The following MBTPS1 variants were observed in gnomAD, a reference collection of about 807,000 sequenced individuals.
MBTPS1 encodes membrane-bound transcription factor site-1 protease.
MBTPS1 carries 94 observed loss-of-function variants against 127.8 expected under a neutral mutation model. The ratio of observed to expected loss-of-function variants is 0.74; its 90% CI spans 0.62 to 0.87. The LOEUF (loss-of-function observed/expected upper bound fraction) is 0.87. MBTPS1 is among the 40% of genes least tolerant of loss of function. The pLI is 0.00. For missense variants in MBTPS1, 1,636 were observed against 1,353.2 expected (o/e 1.21, Z -3.28); for synonymous variants, 632 against 509.4 (o/e 1.24, Z -3.24).
chr16:84,069,506 A>C (rs2085739455), intron 14 of MBTPS1, among the ~76,000 whole-genome samples: 1 of 152,170 alleles, frequency 6.6e-6, no homozygotes, highest in East Asian at 1.9e-4. Flanking sequence ...GGAGCTGCTG[A>C]TGTGGTCCAG....
At chr16:84,107,893 TG>T (rs1294516360) in intron 1 of MBTPS1, among the ~76,000 whole-genome samples, 1 of 140,788 alleles carries the variant, frequency 7.1e-6, no homozygotes, top group Non-Finnish European at 1.5e-5. Context: ...TTTGTAGAGA[TG>T]GGGGTCTCAC....
rs2085641057 is a variant in MBTPS1 at position 84,063,379 on chromosome 16, A to C, written c.2498T>G (p.Ile833Ser). 1 of 1,614,174 alleles carries C rather than the reference A, an allele frequency of 6.2e-7. No individual in the cohort carries two copies. Among genetic ancestry groups the C allele is most frequent in the Non-Finnish European group, 8.5e-7 (1 of 1,180,000 alleles). Residue 833 changes from isoleucine to serine, a missense_variant, in exon 19 of 23, where the codon ATT becomes AGT. Ile to Ser is a moderately radical substitution (Grantham distance 142). Coordinates refer to ENST00000343411, the MANE Select transcript of MBTPS1 (RefSeq NM_003791.4). ...AATCCGGCCTCCACCCTCAGCTGGA[A>C]TCTGATAAAGTCCCAAAATGGGGAC... Reference protein sequence around the residue: ...ENVPILGLYQIPAEGGGRIVL... With the variant: ...ENVPILGLYQSPAEGGGRIVL...
At chr16:84,105,911 G>A (rs956982532) in intron 1 of MBTPS1, among the ~76,000 whole-genome samples, 3 of 152,116 alleles carry the variant, frequency 2.0e-5, no homozygotes, top group Middle Eastern at 3.2e-3. Context: ...CTGACCTCAC[G>A]GAGCTTACCT....
chr16:84,088,014 C>A (rs987661968), intron 8 of MBTPS1, among the ~76,000 whole-genome samples: 3 of 152,134 alleles, frequency 2.0e-5, no homozygotes, highest in Admixed American at 2.0e-4. Flanking sequence ...GAAGGACTAT[C>A]ATTACTCTGT....
At chr16:84,114,321 C>T (rs1195881350) in intron 1 of MBTPS1, among the ~76,000 whole-genome samples, 2 of 152,162 alleles carry the variant, frequency 1.3e-5, no homozygotes, top group Non-Finnish European at 2.9e-5. Flanking sequence ...TGGCACACTC[C>T]ATCCATCAGG....
chr16:84,066,433 G>C (rs1460061988), intron 17 of MBTPS1, 56 bp downstream of exon 17: 3 of 1,587,572 alleles, frequency 1.9e-6, no homozygotes, highest in Non-Finnish European at 2.6e-6. Context: ...GACTTCAGAG[G>C]TGTAGAGCTT....
At chr16:84,063,186 C>CT (rs1268477221) in intron 19 of MBTPS1, 119 bp downstream of exon 19, 2 of 1,061,910 alleles carry the variant, frequency 1.9e-6, no homozygotes, top group Non-Finnish European at 2.8e-6. Context: ...CCAGCTGAGC[C>CT]TGGCTCAAGT....
intron 1 of MBTPS1, among the ~76,000 whole-genome samples, chr16:84,105,593 G>C (rs1046789016): frequency 6.6e-6 from 1 of 152,152 alleles, no homozygotes; most frequent in African/African-American, 2.4e-5. Flanking sequence ...ACCACAGGAA[G>C]ACACAGATGT....
chr16:84,080,057 A>G (rs533715838), intron 11 of MBTPS1, among the ~76,000 whole-genome samples: 3 of 152,376 alleles, frequency 2.0e-5, no homozygotes, highest in African/African-American at 7.2e-5. Context: ...AGGAAGACAG[A>G]AAGTGCTCAG....
intron 19 of MBTPS1, 31 bp from the exon 20 acceptor site, chr16:84,060,844 C>A (rs1351466964): frequency 1.3e-6 from 2 of 1,537,580 alleles, no homozygotes; most frequent in Non-Finnish European, 1.8e-6. Context: ...TTTAGGAATT[C>A]CTTTTTTTTT....
At chr16:84,062,145 G>A (rs975237060) in intron 19 of MBTPS1, among the ~76,000 whole-genome samples, 4 of 152,090 alleles carry the variant, frequency 2.6e-5, no homozygotes, top group Non-Finnish European at 5.9e-5. Context: ...TTTTAAAACA[G>A]TGTCTTGCTC....
Position 84,081,742 on chromosome 16 carries a change from C to A in MBTPS1, c.1448+5G>T. On this transcript the variant is annotated splice_donor_5th_base_variant and intron_variant, in intron 11 of 22. Transcript: ENST00000343411. ...AAAGACCCATCGGCAGGGCGGTGCA[C>A]TGACCTTGCCTGTGGCTTGTAGCTG... 4 of 1,374,870 alleles carry A rather than the reference C, an allele frequency of 2.9e-6. No homozygotes were observed. The highest frequency in any genetic ancestry group is 3.8e-6 in the Non-Finnish European group (4 of 1,052,342). The allele number at this position is 1,374,870 out of a possible 1,614,324, so 85.2% of individuals were successfully genotyped here. A position where few individuals can be genotyped will look rare whatever the true frequency, so the allele number is the denominator to read the frequency against.
In MBTPS1 at chr16:84,055,864, G is replaced by A. The variant is rs202023544; in HGVS notation, c.2962+141C>T. The A allele has an allele frequency of 1.2e-4, 100 of 854,516 alleles. No individual in the cohort carries two copies. In the East Asian group the frequency reaches 2.4e-3, roughly 20 times the overall value. The allele number at this position is 854,516 out of a possible 1,614,324, so 52.9% of individuals were successfully genotyped here. A position where few individuals can be genotyped will look rare whatever the true frequency, so the allele number is the denominator to read the frequency against. Reference sequence around the variant, plus strand: ...GCTCATGCTGGTTTGTGCCACAAAAGAAGCCAAGAGCCAAGGCCACCACAG... The same window carrying A: ...GCTCATGCTGGTTTGTGCCACAAAAAAAGCCAAGAGCCAAGGCCACCACAG... On this transcript the variant is annotated intron_variant, in intron 22 of 22. Coordinates refer to ENST00000343411, the MANE Select transcript of MBTPS1 (RefSeq NM_003791.4).
intron 14 of MBTPS1, 142 bp downstream of exon 14, chr16:84,069,724 C>T: frequency 1.3e-6 from 1 of 777,074 alleles, no homozygotes; most frequent in Non-Finnish European, 2.1e-6. Context: ...AAGTGCATGG[C>T]AAAAGCCTGA....
chr16:84,094,593 G>C (rs1037585649), intron 4 of MBTPS1, among the ~76,000 whole-genome samples: 3 of 152,176 alleles, frequency 2.0e-5, no homozygotes, highest in African/African-American at 7.2e-5. Context: ...TGGCAAAAGG[G>C]CTGTGTACAT....
chr16:84,101,976 C>A lies in MBTPS1; in HGVS notation c.-193G>T. The A allele has an allele frequency of 1.8e-6, 1 of 550,306 alleles. No homozygotes were observed. Among genetic ancestry groups the A allele is most frequent in the South Asian group, 2.4e-5 (1 of 41,232 alleles). The allele number at this position is 550,306 out of a possible 1,614,324, so 34.1% of individuals were successfully genotyped here. ...TCAGCCTGAAGAGAGGCTTTCATTTCTTTCTCCGCTTCTTCTCCATCTTGG... is the reference window on the plus strand; with the variant it reads ...TCAGCCTGAAGAGAGGCTTTCATTTATTTCTCCGCTTCTTCTCCATCTTGG... On this transcript the variant is annotated 5_prime_UTR_variant, in exon 2 of 23. Coordinates refer to ENST00000343411, the MANE Select transcript of MBTPS1 (RefSeq NM_003791.4).
Position 84,056,061 on chromosome 16 carries a change from C to T in MBTPS1, c.2906G>A (p.Arg969His), listed in dbSNP as rs779798413. The T allele has an allele frequency of 5.6e-6, 9 of 1,614,030 alleles. No individual in the cohort carries two copies. Among genetic ancestry groups the T allele is most frequent in the Non-Finnish European group, 6.8e-6 (8 of 1,179,964 alleles). ...AGGGGACAAGGGCCTCACTTGAGGGCGATTCGATCGAAAGTTGGGTAACAC... is the reference window on the plus strand; with the variant it reads ...AGGGGACAAGGGCCTCACTTGAGGGTGATTCGATCGAAAGTTGGGTAACAC... The part of the protein sequence containing the change: ...KVVLPNFRSN[R>H]PQVRPLSPGE... The change falls in exon 22 of 23, where the codon CGC (arginine) becomes CAC (histidine). Residue 969 changes from arginine to histidine, a missense_variant. Physicochemically the swap from Arg to His is conservative, Grantham distance 29. Transcript: ENST00000343411.
chr16:84,068,470 C>T lies in MBTPS1; in HGVS notation c.1956-16G>A. 2 of 1,513,656 alleles carry T rather than the reference C, an allele frequency of 1.3e-6. No homozygotes were observed. The highest frequency in any genetic ancestry group is 9.2e-7 in the Non-Finnish European group (1 of 1,088,478). 93.8% of individuals were successfully genotyped at this position (1,513,656 alleles called of 1,614,324 possible). A position where few individuals can be genotyped will look rare whatever the true frequency, so the allele number is the denominator to read the frequency against. ...ATCACCATTCCTGAAAAACAATAGG[C>T]CACAGCATTAAAATGATCGATCTTT... On this transcript the variant is annotated splice_polypyrimidine_tract_variant and intron_variant, in intron 14 of 22. Transcript: ENST00000343411.
intron 19 of MBTPS1, among the ~76,000 whole-genome samples, chr16:84,062,758 A>C (rs970513311): frequency 2.6e-5 from 4 of 152,164 alleles, no homozygotes; most frequent in Non-Finnish European, 5.9e-5. Context: ...GACTGACATA[A>C]AGACGCGGAG....
Sources: allele counts gnomAD v4.1 joint callset (sites outside exome capture counted in the v4.1 genomes callset), GRCh38; gene constraint gnomAD v4.1.1; transcripts MANE v1.5; gene names NCBI Gene and HGNC (gene_info 2026-07-23, HGNC 2026-07-21).